Variants in CFAP300 observed in about 807,000 individuals in gnomAD.
CFAP300 encodes cilia and flagella associated protein 300, also known as cilia- and flagella-associated protein 300.
In CFAP300, 32 loss-of-function variants were observed where a neutral mutation model predicts 33.0. That is an observed-to-expected ratio of 0.97 (90% CI 0.73 to 1.30). The LOEUF is 1.30. Among genes scored for constraint, CFAP300 ranks in the 50% most tolerant of loss-of-function variants. The pLI, the probability that CFAP300 is intolerant of heterozygous loss-of-function variation, is 0.00. For synonymous variants in CFAP300, 102 were observed against 106.8 expected (o/e 0.95, Z 0.28); for missense variants, 356 against 318.1 (o/e 1.12, Z -0.90).
chr11:102,077,023 A>G (rs1942405239), intron 5 of CFAP300, among the ~76,000 whole-genome samples: 1 of 152,166 alleles, frequency 6.6e-6, no homozygotes, highest in South Asian at 2.1e-4. Flanking sequence ...TTTGAAGTTC[A>G]TGTAAACCTG....
chr11:102,072,660 G>A (rs1432484171), intron 4 of CFAP300, among the ~76,000 whole-genome samples: 1 of 151,966 alleles, frequency 6.6e-6, no homozygotes, highest in African/African-American at 2.4e-5. Flanking sequence ...TATTAAATCT[G>A]TTGCTAGAGA....
intron 4 of CFAP300, among the ~76,000 whole-genome samples, chr11:102,067,760 G>A (rs76799165): frequency 0.11 from 15,992 of 152,086 alleles, 1,158 homozygotes; most frequent in African/African-American, 0.19. Flanking sequence ...TGAAGAAATA[G>A]GCCAGGTGCA....
intron 3 of CFAP300, among the ~76,000 whole-genome samples, chr11:102,060,938 T>A (rs1212466185): frequency 6.6e-6 from 1 of 152,112 alleles, no homozygotes; most frequent in African/African-American, 2.4e-5. Context: ...TTTACCCAAC[T>A]CAAAATTTTC....
chr11:102,058,853 C>T, intron 2 of CFAP300, 27 bp from the exon 3 acceptor site: 1 of 1,307,306 alleles, frequency 7.6e-7, no homozygotes, highest in Non-Finnish European at 1.1e-6. Context: ...AAATATCTAA[C>T]TTATTCCCCT....
In CFAP300 at chr11:102,063,152, C is replaced by T. The variant is rs1229553679; in HGVS notation, c.269-3333C>T. ...GCCCTGTGGAACCTTGGAGATTGGG[C>T]CACCCGGAGCCTTCAGGGCTCTACC... On this transcript the variant is annotated intron_variant, in intron 3 of 6. Transcript: ENST00000434758. Among the ~76,000 whole-genome samples, 9 of 152,316 alleles carry T rather than the reference C, an allele frequency of 5.9e-5. No homozygotes were observed. In the South Asian group the frequency reaches 1.9e-3, roughly 32 times the overall value.
rs914055112 is a variant in CFAP300, at chr11:102,083,192, T to C, written c.797T>C (p.Met266Thr). 2 of 1,495,074 alleles carry C rather than the reference T, an allele frequency of 1.3e-6. No individual in the cohort carries two copies. Among genetic ancestry groups the C allele is most frequent in the South Asian group, 1.4e-5 (1 of 69,106 alleles). The allele number at this position is 1,495,074 out of a possible 1,614,324, so 92.6% of individuals were successfully genotyped here. A position where few individuals can be genotyped will look rare whatever the true frequency, so the allele number is the denominator to read the frequency against. The part of the protein sequence containing the change: ...VLYHCYGVGD[M>T]S ...TACCACTGTTATGGTGTGGGAGACA[T>C]GTCTTAATGTTCTTTCAGATTATGT... is the stretch of plus-strand genomic sequence containing the variant. The change falls in exon 7 of 7, where the codon ATG (methionine) becomes ACG (threonine). Residue 266 changes from methionine (M) to threonine (T), a missense_variant. Coordinates refer to ENST00000434758, the MANE Select transcript of CFAP300 (RefSeq NM_032930.3).
intron 1 of CFAP300, 95 bp from the exon 2 acceptor site, chr11:102,047,720 C>G: frequency 1.3e-6 from 2 of 1,499,842 alleles, no homozygotes; most frequent in South Asian, 2.4e-5. Flanking sequence ...CCCGAACCAC[C>G]CGGGAAGGGC....
chr11:102,081,678 C>G (rs1474411363), intron 6 of CFAP300, among the ~76,000 whole-genome samples: 1 of 151,964 alleles, frequency 6.6e-6, no homozygotes, highest in Admixed American at 6.6e-5. Context: ...AGATCACGAG[C>G]TCAGGAGATC....
At chr11:102,073,717 A>T (rs1591325138) in intron 4 of CFAP300, among the ~76,000 whole-genome samples, 1 of 152,084 alleles carries the variant, frequency 6.6e-6, no homozygotes, top group South Asian at 2.1e-4. Context: ...CACACATTTC[A>T]GCCCCCAGCA....
chr11:102,053,587 A>C (rs185668477), intron 2 of CFAP300, among the ~76,000 whole-genome samples: 3 of 147,018 alleles, frequency 2.0e-5, no homozygotes, highest in African/African-American at 5.2e-5. Flanking sequence ...AACAAACAAA[A>C]ACCTTCAGTG....
At chr11:102,060,720 A>G (rs1466725883) in intron 3 of CFAP300, among the ~76,000 whole-genome samples, 1 of 152,198 alleles carries the variant, frequency 6.6e-6, no homozygotes, top group Non-Finnish European at 1.5e-5. Context: ...ATTTTAAATT[A>G]GATTTTTTTT....
chr11:102,052,870 G>A (rs953539471), intron 2 of CFAP300, among the ~76,000 whole-genome samples: 8 of 151,992 alleles, frequency 5.3e-5, no homozygotes, highest in South Asian at 2.1e-4. Flanking sequence ...CATTCTCCAC[G>A]CTGCAGCCAG....
rs181449558 is a variant in CFAP300, at chr11:102,083,085, G to A, written c.690G>A (p.Met230Ile). The change falls in exon 7 of 7, where the codon ATG (methionine) becomes ATA (isoleucine). Residue 230 changes from methionine to isoleucine, a missense_variant. Met to Ile is a conservative substitution (Grantham distance 10). Transcript: ENST00000434758. Reference protein sequence around the residue: ...FKVSAYDSAGMCYPSAKNHEQ... With the variant: ...FKVSAYDSAGICYPSAKNHEQ... ...GTCTTTTTCAGGATTCTGCTGGTATGTGCTATCCTTCAGCAAAGAATCATG... is the reference window on the plus strand; with the variant it reads ...GTCTTTTTCAGGATTCTGCTGGTATATGCTATCCTTCAGCAAAGAATCATG... 727 of 1,512,282 alleles carry A rather than the reference G, an allele frequency of 4.8e-4. No homozygotes were observed. Among genetic ancestry groups the A allele is most frequent in the Non-Finnish European group, 5.8e-4 (652 of 1,127,266 alleles). The allele number at this position is 1,512,282 out of a possible 1,614,324, so 93.7% of individuals were successfully genotyped here.
chr11:102,078,179 C>T (rs1565398339), intron 5 of CFAP300, among the ~76,000 whole-genome samples: 3 of 152,134 alleles, frequency 2.0e-5, no homozygotes, highest in South Asian at 2.1e-4. Flanking sequence ...AGGTGTAAGC[C>T]GCCGCGCCCA....
intron 3 of CFAP300, among the ~76,000 whole-genome samples, chr11:102,063,008 G>A (rs1264488717): frequency 6.6e-6 from 1 of 152,242 alleles, no homozygotes; most frequent in African/African-American, 2.4e-5. Context: ...GAAAGACCCC[G>A]AAGCAATTCA....
At chr11:102,061,123 C>G (rs1038773730) in intron 3 of CFAP300, among the ~76,000 whole-genome samples, 15 of 152,018 alleles carry the variant, frequency 9.9e-5, no homozygotes, top group Non-Finnish European at 2.9e-5. Context: ...AAAATCATTG[C>G]AAAAAGAGGT....
intron 3 of CFAP300, among the ~76,000 whole-genome samples, chr11:102,062,445 G>A (rs565679253): frequency 2.6e-5 from 4 of 152,256 alleles, no homozygotes; most frequent in South Asian, 2.1e-4. Context: ...TGGTGATAGC[G>A]CCCAAGGAAA....
chr11:102,061,853 A>G (rs1942153616), intron 3 of CFAP300, among the ~76,000 whole-genome samples: 1 of 152,158 alleles, frequency 6.6e-6, no homozygotes, highest in Admixed American at 6.5e-5. Flanking sequence ...CTAGGGAAAA[A>G]CTGTGTTCTT....
chr11:102,076,022 G>A lies in CFAP300; in HGVS notation c.585G>A (p.Lys195=), dbSNP rs376333708. 5 of 1,612,318 alleles carry A rather than the reference G, an allele frequency of 3.1e-6. No individual in the cohort carries two copies. The highest frequency in any genetic ancestry group is 2.2e-5 in the East Asian group (1 of 44,782). ...TTAGCCCATATCTGGAAACAACAAAGCTTATCTATAAGGATCTGGTGAGGT... is the reference window on the plus strand; with the variant it reads ...TTAGCCCATATCTGGAAACAACAAAACTTATCTATAAGGATCTGGTGAGGT... ...DVISPYLETT[K]LIYKDLVSVR... is the part of the protein sequence containing the mutation. The change falls in exon 5 of 7, where the codon AAG becomes AAA. Residue 195 remains lysine, a synonymous_variant. Coordinates refer to ENST00000434758, the MANE Select transcript of CFAP300 (RefSeq NM_032930.3).
Sources: allele counts gnomAD v4.1 joint callset (sites outside exome capture counted in the v4.1 genomes callset), GRCh38; gene constraint gnomAD v4.1.1; transcripts MANE v1.5; gene names NCBI Gene and HGNC (gene_info 2026-07-23, HGNC 2026-07-21).